The following NPEPL1 variants were observed in gnomAD, a reference collection of about 807,000 sequenced individuals.
NPEPL1 encodes aminopeptidase like 1.
NPEPL1 carries 45 observed loss-of-function variants against 52.4 expected under a neutral mutation model. That is an observed-to-expected ratio of 0.86 (90% CI 0.68 to 1.10). The LOEUF is 1.10. NPEPL1 is among the 50% of genes least tolerant of loss of function. The pLI, the probability that NPEPL1 is intolerant of heterozygous loss-of-function variation, is 0.00. For synonymous variants in NPEPL1, 360 were observed against 314.7 expected, an observed-to-expected ratio of 1.14 and a Z score of -1.52; for missense variants, 696 against 710.9, an observed-to-expected ratio of 0.98 and a Z score of 0.24.
intron 3 of NPEPL1, 31 bp downstream of exon 3, chr20:58,694,623 T>C (rs746613013): frequency 1.9e-6 from 3 of 1,583,576 alleles, no homozygotes; most frequent in East Asian, 4.6e-5. Flanking sequence ...ACACTGCCCC[T>C]GGGCCCGGGC....
chr20:58,689,507 T>G (rs2084312267), upstream of NPEPL1, among the ~76,000 whole-genome samples: 1 of 152,168 alleles, frequency 6.6e-6, no homozygotes, highest in African/African-American at 2.4e-5. Flanking sequence ...GTGATCCACC[T>G]GCCTCAGCCT....
At chr20:58,704,716 G>T (rs941865607) in intron 6 of NPEPL1, among the ~76,000 whole-genome samples, 5 of 152,196 alleles carry the variant, frequency 3.3e-5, no homozygotes, top group African/African-American at 1.2e-4. Flanking sequence ...AAGAAAATCT[G>T]GCCTCACGCA....
intron 7 of NPEPL1, among the ~76,000 whole-genome samples, chr20:58,709,256 C>T (rs751779804): frequency 1.6e-4 from 24 of 152,024 alleles, no homozygotes; most frequent in Admixed American, 3.9e-4. Context: ...CCTGCTTGGC[C>T]TTCACATATC....
Position 58,713,804 on chromosome 20 carries a change from C to T in NPEPL1, c.1126-113C>T, listed in dbSNP as rs749052733. On this transcript the variant is annotated intron_variant, in intron 9 of 11. Coordinates refer to ENST00000356091, the MANE Select transcript of NPEPL1 (RefSeq NM_024663.4). This position sits in a 1 kb window ranked among gnomAD's most constrained non-coding sequence, Gnocchi z 4.6. ...CTGTGTTTTTTCTTTTTTTCTCAAC[C>T]GTCTCTTTTCTGGCTCCCTTATTTC... 13 of 1,236,402 alleles carry T rather than the reference C, an allele frequency of 1.1e-5. No homozygotes were observed. In the Middle Eastern group the frequency reaches 8.5e-4, roughly 81 times the overall value. The allele number at this position is 1,236,402 out of a possible 1,614,324, so 76.6% of individuals were successfully genotyped here. A position where few individuals can be genotyped will look rare whatever the true frequency, so the allele number is the denominator to read the frequency against.
chr20:58,703,136 C>T (rs2084668223), intron 6 of NPEPL1, among the ~76,000 whole-genome samples: 1 of 152,214 alleles, frequency 6.6e-6, no homozygotes. Flanking sequence ...ATCTGACTGT[C>T]AGAGCGATTC....
chr20:58,693,916 C>T lies in NPEPL1; in HGVS notation c.330C>T (p.Cys110=). ...RTCLPPGAHR[C]IVMVCEQPEV... ...GCCTGCCGCCCGGAGCGCATCGCTG[C>T]ATTGTGGTGAGTGCTTCGAGAGGAG... is the stretch of plus-strand genomic sequence containing the variant. Residue 110 remains cysteine, a synonymous_variant, in exon 2 of 12, where the codon TGC becomes TGT. Transcript: ENST00000356091. The T allele has an allele frequency of 1.9e-6, 3 of 1,597,926 alleles. No individual in the cohort carries two copies. Among genetic ancestry groups the T allele is most frequent in the Middle Eastern group, 1.7e-4 (1 of 5,996 alleles).
chr20:58,704,071 CTG>C (rs2084689839), intron 6 of NPEPL1: 1 of 985,298 alleles, frequency 1.0e-6, no homozygotes, highest in African/African-American at 1.7e-5. Context: ...TGAGCTGTTA[CTG>C]TGTGGAGTGG....
At chr20:58,694,662 GAGAGGGA>G in intron 3 of NPEPL1, 70 bp downstream of exon 3, 1 of 1,467,220 alleles carries the variant, frequency 6.8e-7, no homozygotes, top group Non-Finnish European at 9.1e-7. Flanking sequence ...GGGAGGTCGG[GAGAGGGA>G]AAAGCTTGTT....
At chr20:58,691,995 G>A (rs2084358612), upstream of NPEPL1, 10 of 632,648 alleles carry the variant, frequency 1.6e-5, 1 homozygote, top group Middle Eastern at 4.1e-4. Context: ...CCACACCCCC[G>A]ATGGCCTTTC....
rs1371327647 is a variant in NPEPL1 at position 58,714,594 on chromosome 20, T to G, written c.1337T>G (p.Leu446Arg). 1 of 1,594,486 alleles carries G rather than the reference T, an allele frequency of 6.3e-7. No individual in the cohort carries two copies. The highest frequency in any genetic ancestry group is 1.7e-5 in the Admixed American group (1 of 58,312). Reference sequence around the variant, plus strand: ...AACAGCCCCAGCTCCTGTGCTGGCCTCTTCATCGCCTCACACATCGGCTTC... The same window carrying G: ...AACAGCCCCAGCTCCTGTGCTGGCCGCTTCATCGCCTCACACATCGGCTTC... ...RDNSPSSCAGLFIASHIGFDW... is the reference protein window; with the variant it reads ...RDNSPSSCAGRFIASHIGFDW... The change falls in exon 11 of 12, where the codon CTC becomes CGC. Residue 446 changes from leucine (L) to arginine (R), a missense_variant. Transcript: ENST00000356091.
chr20:58,712,226 C>T (rs1489571966), intron 7 of NPEPL1, among the ~76,000 whole-genome samples: 1 of 152,166 alleles, frequency 6.6e-6, no homozygotes, highest in Non-Finnish European at 1.5e-5. Context: ...CACAGCCCAG[C>T]CCATGCCCAG....
At chr20:58,703,234 C>T (rs547113461) in intron 6 of NPEPL1, among the ~76,000 whole-genome samples, 47 of 152,154 alleles carry the variant, frequency 3.1e-4, no homozygotes, top group Non-Finnish European at 3.7e-4. Flanking sequence ...CAACGATATG[C>T]GAATTTGAAG....
chr20:58,705,633 T>C (rs1568855663), intron 6 of NPEPL1: 2 of 438,670 alleles, frequency 4.6e-6, no homozygotes, highest in Non-Finnish European at 9.3e-6. Flanking sequence ...TGGTTTCTTC[T>C]ATAAAAACAG....
upstream of NPEPL1, chr20:58,691,408 C>T (rs1313730629): frequency 7.3e-6 from 3 of 408,198 alleles, no homozygotes; most frequent in African/African-American, 8.7e-5. Flanking sequence ...TTTTGAGTGC[C>T]TGCTCTGTGC....
intron 3 of NPEPL1, among the ~76,000 whole-genome samples, chr20:58,698,232 G>T (rs2084531372): frequency 6.6e-6 from 1 of 152,056 alleles, no homozygotes; most frequent in Non-Finnish European, 1.5e-5. Context: ...CCTATGAGAA[G>T]TGCCTCGAAG....
chr20:58,711,980 G>T (rs1034020794), intron 7 of NPEPL1, among the ~76,000 whole-genome samples: 1 of 152,240 alleles, frequency 6.6e-6, no homozygotes, highest in South Asian at 2.1e-4. Flanking sequence ...TAGAACCTGT[G>T]CAGGGCAGGA....
intron 1 of NPEPL1, 111 bp downstream of exon 1, chr20:58,693,161 C>G: frequency 1.3e-6 from 1 of 769,618 alleles, no homozygotes; most frequent in African/African-American, 1.9e-5. Context: ...GGGCCGGGCC[C>G]AACGAGGCCG....
In NPEPL1 at chr20:58,712,768, A is replaced by G. The variant is rs1421244702; in HGVS notation, c.1001+189A>G. On this transcript the variant is annotated intron_variant, in intron 8 of 11. Transcript: ENST00000356091. The stretch of plus-strand genomic sequence containing the variant: ...AGGCGCACCTCACGTTGAGGGGCCC[A>G]TGGCACCTGGATGAGGTGCTAGGCT... 4.4e-6 allele frequency: 3 copies of G among 683,474 alleles called. No individual in the cohort carries two copies. In the South Asian group the frequency reaches 4.5e-5, roughly 10 times the overall value. 42.3% of individuals were successfully genotyped at this position (683,474 alleles called of 1,614,324 possible).
In NPEPL1 at chr20:58,713,809, C is replaced by G. The variant is rs1269906617; in HGVS notation, c.1126-108C>G. The G allele has an allele frequency of 1.0e-5, 13 of 1,270,198 alleles. No individual in the cohort carries two copies. The highest frequency in any genetic ancestry group is 1.2e-5 in the Non-Finnish European group (12 of 965,358). The allele number at this position is 1,270,198 out of a possible 1,614,324, so 78.7% of individuals were successfully genotyped here. A position where few individuals can be genotyped will look rare whatever the true frequency, so the allele number is the denominator to read the frequency against. ...TTTTTTCTTTTTTTCTCAACCGTCTCTTTTCTGGCTCCCTTATTTCTCTGT... is the reference window on the plus strand; with the variant it reads ...TTTTTTCTTTTTTTCTCAACCGTCTGTTTTCTGGCTCCCTTATTTCTCTGT... On this transcript the variant is annotated intron_variant, in intron 9 of 11. Transcript: ENST00000356091. This position sits in a 1 kb window ranked among gnomAD's most constrained non-coding sequence, Gnocchi z 4.6.
Sources: gnomAD v4.1 joint callset for allele counts (sites outside exome capture counted in the v4.1 genomes callset) on GRCh38, gnomAD v4.1.1 for gene constraint, Gnocchi (gnomAD v3.1) non-coding constraint, MANE v1.5 for transcripts, NCBI Gene and HGNC (gene_info 2026-07-23, HGNC 2026-07-21) for gene names.